CLSTN3: variants seen among roughly 807,000 people sequenced by gnomAD.
The protein encoded by CLSTN3 is calsyntenin-3.
A neutral mutation model predicts 95.9 loss-of-function variants in CLSTN3; 36 were observed. The ratio of observed to expected loss-of-function variants is 0.38; its 90% CI spans 0.29 to 0.50. CLSTN3 has a LOEUF of 0.50. Ranked by LOEUF, CLSTN3 falls within the 20% of genes least tolerant of loss-of-function variation. The probability of loss-of-function intolerance (pLI) is 0.95; values close to 1 mark genes in which losing one functional copy is unlikely to be tolerated. For missense variants in CLSTN3, 1,084 were observed against 1,268.8 expected, an observed-to-expected ratio of 0.85 and a Z score of 2.21; for synonymous variants, 481 against 504.0, an observed-to-expected ratio of 0.95 and a Z score of 0.61.
At chr12:7,132,978 G>A (rs368363366) in intron 1 of CLSTN3, 46 bp from the exon 2 acceptor site, 2 of 1,611,334 alleles carry the variant, frequency 1.2e-6, no homozygotes, top group Admixed American at 1.7e-5. Context: ...GGGAGTAGAG[G>A]CCCTGCTCAC....
chr12:7,135,598 C>A (rs1939396752), intron 4 of CLSTN3, 63 bp downstream of exon 4: 9 of 1,548,568 alleles, frequency 5.8e-6, no homozygotes, highest in Non-Finnish European at 8.0e-6. Context: ...TCCCTCAGGA[C>A]AACCCAGGGT....
At position 7,141,144 on chromosome 12, in the gene CLSTN3, G is replaced by A; in HGVS notation, c.1324-98G>A. The A allele has an allele frequency of 7.8e-7, 1 of 1,290,220 alleles. No homozygotes were observed. Among genetic ancestry groups the A allele is most frequent in the East Asian group, 2.4e-5 (1 of 42,466 alleles). 79.9% of individuals were successfully genotyped at this position (1,290,220 alleles called of 1,614,324 possible). On this transcript the variant is annotated intron_variant, in intron 8 of 17. Coordinates refer to ENST00000266546, the MANE Select transcript of CLSTN3 (RefSeq NM_014718.4). This position sits in a 1 kb window ranked among gnomAD's most constrained non-coding sequence, Gnocchi z 4.1. ...CTGTTGGTAGAACTGGGAATAAAGG[G>A]ACTGTCCCCTGTCTCCCAGGAGATG...
At chr12:7,130,303 T>TGGC, upstream of CLSTN3, 1 of 778,324 alleles carries the variant, frequency 1.3e-6, no homozygotes, top group Non-Finnish European at 1.6e-6. Context: ...CAGCACCTGG[T>TGGC]CCCCCCCCCT....
In CLSTN3 at chr12:7,157,151, C is replaced by T. The variant is rs1475175542; in HGVS notation, c.2528-338C>T. On this transcript the variant is annotated intron_variant, in intron 16 of 17. Transcript: ENST00000266546. The surrounding 1 kb of genome is among the most constrained non-coding windows in gnomAD (Gnocchi z 5.9). The stretch of plus-strand genomic sequence containing the variant: ...CAGGTGGAATGACAGGGGCAGATTC[C>T]AGTCCTTGCCCTCTGTCCTCTGCGA... Among the ~76,000 whole-genome samples the T allele has an allele frequency of 6.6e-6, 1 of 152,202 alleles. No homozygotes were observed.
chr12:7,152,344 G>A (rs1221349115), intron 16 of CLSTN3, among the ~76,000 whole-genome samples: 1 of 152,180 alleles, frequency 6.6e-6, no homozygotes, highest in Non-Finnish European at 1.5e-5. Flanking sequence ...AATTTATGAG[G>A]TGCATTTATT....
Position 7,136,307 on chromosome 12 carries a change from G to A in CLSTN3, c.844G>A (p.Ala282Thr). 1.2e-6 allele frequency: 2 copies of A among 1,614,196 alleles called. No individual in the cohort carries two copies. Among genetic ancestry groups the A allele is most frequent in the Middle Eastern group, 1.6e-4 (1 of 6,062 alleles). ...TCDEPLWNIQ[A>T]TIELQTSHVA... ...TGATGAACCACTCTGGAACATTCAG[G>A]CCACCATAGAGCTGCAGACCAGCCA... The change falls in exon 6 of 18, where the codon GCC (alanine) becomes ACC (threonine). Residue 282 changes from alanine to threonine, a missense_variant. Transcript: ENST00000266546.
At chr12:7,131,831 G>T (rs763576279) in intron 1 of CLSTN3, 3 of 456,438 alleles carry the variant, frequency 6.6e-6, no homozygotes, top group South Asian at 4.6e-5. Context: ...GGGTTATGGT[G>T]GTCATCAGTA....
chr12:7,150,945 C>A lies in CLSTN3; in HGVS notation c.2409C>A (p.Ser803Arg), dbSNP rs371658243. The A allele has an allele frequency of 2.5e-6, 4 of 1,608,548 alleles. No individual in the cohort carries two copies. Among genetic ancestry groups the A allele is most frequent in the Non-Finnish European group, 3.4e-6 (4 of 1,176,722 alleles). Residue 803 changes from serine (S) to arginine (R), a missense_variant, in exon 16 of 18, where the codon AGC (serine) becomes AGA (arginine). By Grantham distance (110) the Ser-to-Arg change is moderately radical. Transcript: ENST00000266546. The surrounding 1 kb of genome is among the most constrained non-coding windows in gnomAD (Gnocchi z 4.0). ...CTGCCCAGGTCAATGTCCTGCACAG[C>A]ATGAACCGGGTTGCCCACCCCAGCC... ...EFIVEVNVLH[S>R]MNRVAHPSHV...
chr12:7,151,279 A>G (rs1478685310), intron 16 of CLSTN3: 8 of 493,342 alleles, frequency 1.6e-5, no homozygotes, highest in Non-Finnish European at 2.7e-5. Flanking sequence ...GCCTTGTGTC[A>G]TTGTAGGGAT....
Position 7,130,546 on chromosome 12 carries a change from G to C in CLSTN3, c.-103G>C. 6.5e-7 allele frequency: 1 copy of C among 1,545,866 alleles called. No individual in the cohort carries two copies. Among genetic ancestry groups the C allele is most frequent in the Non-Finnish European group, 8.7e-7 (1 of 1,146,678 alleles). On this transcript the variant is annotated 5_prime_UTR_variant, in exon 1 of 18. Coordinates refer to ENST00000266546, the MANE Select transcript of CLSTN3 (RefSeq NM_014718.4). ...TTCCGTCCCTGCCCTGCTGTACCCC[G>C]CTCCTTGGAGACCCCCTGTATCCCT...
chr12:7,133,921 G>T lies in CLSTN3; in HGVS notation c.383+153G>T, dbSNP rs1055415943. 1.6e-6 allele frequency: 1 copy of T among 624,922 alleles called. No homozygotes were observed. The highest frequency in any genetic ancestry group is 1.9e-5 in the African/African-American group (1 of 53,400). 38.7% of individuals were successfully genotyped at this position (624,922 alleles called of 1,614,324 possible). A position where few individuals can be genotyped will look rare whatever the true frequency, so the allele number is the denominator to read the frequency against. On this transcript the variant is annotated intron_variant, in intron 3 of 17. Coordinates refer to ENST00000266546, the MANE Select transcript of CLSTN3 (RefSeq NM_014718.4). This position sits in a 1 kb window ranked among gnomAD's most constrained non-coding sequence, Gnocchi z 4.7. ...GAGCCCCATCCCCTGCTGTTCCTAG[G>T]ATTTAGGGACTTTCAGGCAAGGTGA...
At chr12:7,156,790 G>A (rs950115560) in intron 16 of CLSTN3, 31 of 456,038 alleles carry the variant, frequency 6.8e-5, no homozygotes, top group African/African-American at 6.2e-4. Flanking sequence ...AAGTGGGGCT[G>A]CAGGGCCAGA....
Position 7,138,036 on chromosome 12 carries a change from G to T in CLSTN3, c.1292G>T (p.Arg431Leu), listed in dbSNP as rs756068728. ...FLYWPLLESARPVKFLWKLEQ... is the reference protein window; with the variant it reads ...FLYWPLLESALPVKFLWKLEQ... The stretch of plus-strand genomic sequence containing the variant: ...TACTGGCCCCTGCTTGAGAGTGCCC[G>T]CCCAGTCAAGTTCCTCTGGAAGCTG... Residue 431 changes from arginine to leucine, a missense_variant, in exon 8 of 18, where the codon CGC (arginine) becomes CTC (leucine). Arg to Leu is a moderately radical substitution (Grantham distance 102). Coordinates refer to ENST00000266546, the MANE Select transcript of CLSTN3 (RefSeq NM_014718.4). 1.9e-6 allele frequency: 3 copies of T among 1,613,494 alleles called. No homozygotes were observed. Among genetic ancestry groups the T allele is most frequent in the African/African-American group, 1.3e-5 (1 of 74,780 alleles).
chr12:7,131,301 G>A, intron 1 of CLSTN3: 1 of 216,466 alleles, frequency 4.6e-6, no homozygotes, highest in Non-Finnish European at 9.4e-6. Flanking sequence ...GGGCGGGGCT[G>A]TCGGACAGAC....
Position 7,150,440 on chromosome 12 carries a change from C to A in CLSTN3, c.2246-104C>A. On this transcript the variant is annotated intron_variant, in intron 14 of 17. Transcript: ENST00000266546. This position sits in a 1 kb window ranked among gnomAD's most constrained non-coding sequence, Gnocchi z 4.0. ...CTTCTGCGGAGATGGGGCTGACCTG[C>A]TCTACAGCTTGTGTGGCGTCAGCTG... 1 of 1,393,816 alleles carries A rather than the reference C, an allele frequency of 7.2e-7. No individual in the cohort carries two copies. Among genetic ancestry groups the A allele is most frequent in the Non-Finnish European group, 9.7e-7 (1 of 1,030,230 alleles). 86.3% of individuals were successfully genotyped at this position (1,393,816 alleles called of 1,614,324 possible).
At position 7,149,188 on chromosome 12, in the gene CLSTN3, G is replaced by A; in HGVS notation, c.2064G>A (p.Trp688Ter). The change falls in exon 13 of 18, where the codon TGG (tryptophan) becomes TGA (stop). Residue 688 changes from tryptophan to a stop codon, truncating the protein, a stop_gained. Transcript: ENST00000266546. LOFTEE classifies it high-confidence loss of function. This position sits in a 1 kb window ranked among gnomAD's most constrained non-coding sequence, Gnocchi z 4.5. Reference protein sequence around the residue: ...HQVEAKKDESWQGTVTDTRMS... With the variant: ...HQVEAKKDES ...TGGAGGCCAAAAAGGATGAGAGTTG[G>A]CAGGGCACAGGTAAGGACGACTTCG... The A allele has an allele frequency of 6.2e-7, 1 of 1,614,028 alleles. No individual in the cohort carries two copies. Among genetic ancestry groups the A allele is most frequent in the Non-Finnish European group, 8.5e-7 (1 of 1,179,964 alleles).
chr12:7,147,596 C>A (rs1184329106), intron 12 of CLSTN3, among the ~76,000 whole-genome samples: 1 of 150,428 alleles, frequency 6.6e-6, no homozygotes, highest in Non-Finnish European at 1.5e-5. Context: ...CTCACTGCAA[C>A]CTCTGCCTCC....
At position 7,136,857 on chromosome 12, in the gene CLSTN3, G is replaced by T. The variant is rs770980080; in HGVS notation, c.957G>T (p.Leu319Phe). The change falls in exon 7 of 18, where the codon TTG becomes TTT. Residue 319 changes from leucine (L) to phenylalanine (F), a missense_variant. By Grantham distance (22) the Leu-to-Phe change is conservative. Coordinates refer to ENST00000266546, the MANE Select transcript of CLSTN3 (RefSeq NM_014718.4). ...CGAATGEVDL[L>F]PMPGPNANWT... Reference sequence around the variant, plus strand: ...CTGCCACTGGGGAGGTGGATCTGTTGCCCATGCCTGGCCCCAATGCCAACT... The same window carrying T: ...CTGCCACTGGGGAGGTGGATCTGTTTCCCATGCCTGGCCCCAATGCCAACT... 1 of 1,614,088 alleles carries T rather than the reference G, an allele frequency of 6.2e-7. No homozygotes were observed. Among genetic ancestry groups the T allele is most frequent in the South Asian group, 1.1e-5 (1 of 91,080 alleles).
At chr12:7,131,698 C>T (rs956394384) in intron 1 of CLSTN3, 5 of 449,190 alleles carry the variant, frequency 1.1e-5, no homozygotes, top group African/African-American at 8.0e-5. Context: ...CCAGCCCTGC[C>T]CTTCCACCGC....
Sources: gnomAD v4.1 joint callset for allele counts (sites outside exome capture counted in the v4.1 genomes callset) on GRCh38, gnomAD v4.1.1 for gene constraint, Gnocchi (gnomAD v3.1) non-coding constraint, MANE v1.5 for transcripts, NCBI Gene and HGNC (gene_info 2026-07-23, HGNC 2026-07-21) for gene names.